The following ATXN10 variants were observed in gnomAD, a reference collection of about 807,000 sequenced individuals.
The protein encoded by ATXN10 is ataxin-10.
Under a neutral mutation model 52.9 loss-of-function variants are expected in ATXN10, and 28 were observed. The observed-to-expected ratio is 0.53, with a 90% CI of 0.39 to 0.73. The LOEUF (loss-of-function observed/expected upper bound fraction) is 0.73. ATXN10 is among the 30% of genes least tolerant of loss of function. The pLI, the probability that ATXN10 is intolerant of heterozygous loss-of-function variation, is 0.00. For synonymous variants in ATXN10, 226 were observed against 221.5 expected (o/e 1.02, Z -0.18); for missense variants, 565 against 577.0 (o/e 0.98, Z 0.21).
rs1196197547 is a variant in ATXN10, at chr22:45,787,567, A to G, written c.1174-19392A>G. Among the ~76,000 whole-genome samples, 2 of 152,210 alleles carry G rather than the reference A, an allele frequency of 1.3e-5. No homozygotes were observed. The highest frequency in any genetic ancestry group is 4.8e-5 in the African/African-American group (2 of 41,456). ...TACTGTATGGGAAGGAATGCTGTCC[A>G]GTCGTCTTGAGTTGAACGTTCTCAT... On this transcript the variant is annotated intron_variant, in intron 9 of 11. Transcript: ENST00000252934. The surrounding 1 kb of genome is among the most constrained non-coding windows in gnomAD (Gnocchi z 4.2).
chr22:45,782,949 A>G (rs953487751), intron 9 of ATXN10, among the ~76,000 whole-genome samples: 4 of 151,208 alleles, frequency 2.6e-5, no homozygotes, highest in African/African-American at 7.2e-5. Context: ...ACGATAACTA[A>G]TGGTAAACTA....
At chr22:45,834,878 G>C (rs953625079) in intron 10 of ATXN10, among the ~76,000 whole-genome samples, 1 of 152,154 alleles carries the variant, frequency 6.6e-6, no homozygotes. Flanking sequence ...TGTGACATTG[G>C]AGTGCTGCCC....
In ATXN10 at chr22:45,814,683, C is replaced by T. The variant is rs185952103; in HGVS notation, c.1237+7661C>T. Among the ~76,000 whole-genome samples, 313 of 152,310 alleles carry T rather than the reference C, an allele frequency of 2.1e-3. 4 individuals carry two copies. The highest frequency in any genetic ancestry group is 2.3e-3 in the East Asian group (12 of 5,188). On this transcript the variant is annotated intron_variant, in intron 10 of 11. Transcript: ENST00000252934. ...GAGTCCTCATCCCCTCAGCCGCAGA[C>T]CTGGTACTGGGCAGCACAGCTGGAG...
In ATXN10 at chr22:45,813,455, C is replaced by CTTT. The variant is rs3884890; in HGVS notation, c.1237+6444_1237+6446dup. On this transcript the variant is annotated intron_variant, in intron 10 of 11. Transcript: ENST00000252934. ...TTCTTTTTTCTTCCTTTCTTCATTT[C>CTTT]TTTTTTTTTTTTTAATGGAAACACC... is the stretch of plus-strand genomic sequence containing the variant. Among the ~76,000 whole-genome samples, 1,189 of 134,606 alleles carry CTTT rather than the reference C, an allele frequency of 8.8e-3. 9 individuals are homozygous for CTTT. The highest frequency in any genetic ancestry group is 0.013 in the South Asian group (55 of 4,286). 88.3% of individuals were successfully genotyped at this position (134,606 alleles called of 152,430 possible).
At chr22:45,831,301 T>G (rs886128151) in intron 10 of ATXN10, among the ~76,000 whole-genome samples, 2 of 152,164 alleles carry the variant, frequency 1.3e-5, no homozygotes, top group Non-Finnish European at 2.9e-5. Flanking sequence ...TGAATGCGTT[T>G]AACACTACCA....
chr22:45,696,604 T>C lies in ATXN10; in HGVS notation c.391+3526T>C, dbSNP rs999549012. Reference sequence around the variant, plus strand: ...TCTCAGGCAGCCTCTGTTTTTTTCCTCTTTACTCCATCATTTTCATCAGCA... The same window carrying C: ...TCTCAGGCAGCCTCTGTTTTTTTCCCCTTTACTCCATCATTTTCATCAGCA... On this transcript the variant is annotated intron_variant, in intron 3 of 11. Transcript: ENST00000252934. This position sits in a 1 kb window ranked among gnomAD's most constrained non-coding sequence, Gnocchi z 4.7. Among the ~76,000 whole-genome samples, 3 of 152,238 alleles carry C rather than the reference T, an allele frequency of 2.0e-5. No homozygotes were observed. Among genetic ancestry groups the C allele is most frequent in the African/African-American group, 7.2e-5 (3 of 41,462 alleles).
At position 45,725,470 on chromosome 22, in the gene ATXN10, A is replaced by G. The variant is rs376049191; in HGVS notation, c.729-3955A>G. Among the ~76,000 whole-genome samples the G allele has an allele frequency of 9.4e-5, 12 of 127,620 alleles. No individual in the cohort carries two copies. The South Asian group carries it at 2.1e-3, about 23-fold the overall frequency. 83.7% of individuals were successfully genotyped at this position (127,620 alleles called of 152,430 possible). On this transcript the variant is annotated intron_variant, in intron 6 of 11. Transcript: ENST00000252934. Reference sequence around the variant, plus strand: ...TCTTGATTTGTTTCTCAGCTTAGTTATTGTTGATGTATACCAGTGCTACTG... The same window carrying G: ...TCTTGATTTGTTTCTCAGCTTAGTTGTTGTTGATGTATACCAGTGCTACTG...
intron 9 of ATXN10, among the ~76,000 whole-genome samples, chr22:45,777,314 C>T (rs1243999637): frequency 6.6e-6 from 1 of 152,130 alleles, no homozygotes; most frequent in Non-Finnish European, 1.5e-5. Flanking sequence ...CCTTTGTGAA[C>T]TCAAAATTCT....
Position 45,759,922 on chromosome 22 carries a change from CACCT to C in ATXN10, c.1173+19385_1173+19388del. On this transcript the variant is annotated intron_variant, in intron 9 of 11. Transcript: ENST00000252934. The surrounding 1 kb of genome is among the most constrained non-coding windows in gnomAD (Gnocchi z 5.4). ...ATCACCCCAGTCAAGGTACAGAGAG[CACCT>C]CTATCCCCTCAGAAAGTTTTTTCCA... 6.6e-6 allele frequency among the ~76,000 whole-genome samples: 1 copy of C among 152,324 alleles called. No individual in the cohort carries two copies. Among genetic ancestry groups the C allele is most frequent in the Admixed American group, 6.5e-5 (1 of 15,308 alleles).
At position 45,784,103 on chromosome 22, in the gene ATXN10, C is replaced by T. The variant is rs141714209; in HGVS notation, c.1174-22856C>T. Among the ~76,000 whole-genome samples, 1,211 of 152,228 alleles carry T rather than the reference C, an allele frequency of 8.0e-3. 24 individuals are homozygous for T. The highest frequency in any genetic ancestry group is 0.028 in the African/African-American group (1,143 of 41,530). ...TTGCACACTTTGAGGTTTTCCAGCA[C>T]ATTTAATATTATTTCAGCCATTCTC... is the stretch of plus-strand genomic sequence containing the variant. On this transcript the variant is annotated intron_variant, in intron 9 of 11. Coordinates refer to ENST00000252934, the MANE Select transcript of ATXN10 (RefSeq NM_013236.4). This position sits in a 1 kb window ranked among gnomAD's most constrained non-coding sequence, Gnocchi z 4.2.
chr22:45,676,166 A>AT (rs1341364586), intron 1 of ATXN10: 5 of 148,992 alleles, frequency 3.4e-5, no homozygotes, highest in Non-Finnish European at 7.4e-5. Flanking sequence ...GTTGGAGTGC[A>AT]TTTTTTCTAG....
rs986366458 is a variant in ATXN10 at position 45,828,063 on chromosome 22, G to C, written c.1238-14928G>C. Among the ~76,000 whole-genome samples the C allele has an allele frequency of 1.3e-5, 2 of 152,018 alleles. No individual in the cohort carries two copies. The highest frequency in any genetic ancestry group is 4.8e-5 in the African/African-American group (2 of 41,402). ...CACAAGGGAAATTAGAAAATACTTA[G>C]AGGTCAGCTGGGTGCAGTGGCTCAT... On this transcript the variant is annotated intron_variant, in intron 10 of 11. Transcript: ENST00000252934. This position sits in a 1 kb window ranked among gnomAD's most constrained non-coding sequence, Gnocchi z 4.5.
At chr22:45,792,891 C>G (rs1041136820) in intron 9 of ATXN10, 2 of 485,540 alleles carry the variant, frequency 4.1e-6, no homozygotes, top group Non-Finnish European at 8.4e-6. Flanking sequence ...TTCTTCTAAA[C>G]TTGCATTGGC....
At chr22:45,687,335 G>C (rs774390028) in intron 1 of ATXN10, among the ~76,000 whole-genome samples, 7 of 152,066 alleles carry the variant, frequency 4.6e-5, no homozygotes, top group Non-Finnish European at 8.8e-5. Flanking sequence ...CAAAGCTTTT[G>C]CTGTGCTAGA....
chr22:45,795,845 C>T lies in ATXN10; in HGVS notation c.1174-11114C>T, dbSNP rs1601651820. ...CTTGTCTTTAATATCTTAATCTCGT[C>T]ATCTTCATAAGCTGAGGATGTATGT... On this transcript the variant is annotated intron_variant, in intron 9 of 11. Transcript: ENST00000252934. This position sits in a 1 kb window ranked among gnomAD's most constrained non-coding sequence, Gnocchi z 4.6. Among the ~76,000 whole-genome samples the T allele has an allele frequency of 1.3e-5, 2 of 152,206 alleles. No homozygotes were observed. Among genetic ancestry groups the T allele is most frequent in the Admixed American group, 1.3e-4 (2 of 15,286 alleles).
At position 45,732,432 on chromosome 22, in the gene ATXN10, C is replaced by A. The variant is rs776859953; in HGVS notation, c.894+2842C>A. ...TGTGATTGCGCTACTGCATTCCAGC[C>A]TGGGGAAGAGTGAGATCCTGTCTCC... On this transcript the variant is annotated intron_variant, in intron 7 of 11. Coordinates refer to ENST00000252934, the MANE Select transcript of ATXN10 (RefSeq NM_013236.4). This position sits in a 1 kb window ranked among gnomAD's most constrained non-coding sequence, Gnocchi z 4.5. Among the ~76,000 whole-genome samples, 2 of 151,962 alleles carry A rather than the reference C, an allele frequency of 1.3e-5. No individual in the cohort carries two copies. The highest frequency in any genetic ancestry group is 2.9e-5 in the Non-Finnish European group (2 of 68,016).
chr22:45,674,886 TC>T (rs1273238258), intron 1 of ATXN10: 10 of 152,204 alleles, frequency 6.6e-5, no homozygotes, highest in African/African-American at 2.4e-4. Flanking sequence ...AAAACAAACT[TC>T]TGTCAGTGGT....
rs1017056433 is a variant in ATXN10 at position 45,754,187 on chromosome 22, C to T, written c.1173+13649C>T. ...AGAGACGACCCACGGAGGTGGGCTC[C>T]AGCAGCTTGGCACGTGTACCTTCGT... is the stretch of plus-strand genomic sequence containing the variant. On this transcript the variant is annotated intron_variant, in intron 9 of 11. Coordinates refer to ENST00000252934, the MANE Select transcript of ATXN10 (RefSeq NM_013236.4). This position sits in a 1 kb window ranked among gnomAD's most constrained non-coding sequence, Gnocchi z 5.4. Among the ~76,000 whole-genome samples the T allele has an allele frequency of 1.3e-5, 2 of 152,238 alleles. No homozygotes were observed. Among genetic ancestry groups the T allele is most frequent in the African/African-American group, 4.8e-5 (2 of 41,462 alleles).
chr22:45,721,790 C>T (rs889603642), intron 6 of ATXN10, among the ~76,000 whole-genome samples: 3 of 152,130 alleles, frequency 2.0e-5, no homozygotes, highest in Non-Finnish European at 2.9e-5. Flanking sequence ...GTTCTGAGGC[C>T]TGTAGTTCCA....
Sources: allele counts gnomAD v4.1 joint callset (sites outside exome capture counted in the v4.1 genomes callset), GRCh38; gene constraint gnomAD v4.1.1; non-coding constraint Gnocchi (gnomAD v3.1); transcripts MANE v1.5; gene names NCBI Gene and HGNC (gene_info 2026-07-23, HGNC 2026-07-21).